RPE65: variants seen among roughly 807,000 people sequenced by gnomAD.
RPE65 encodes retinoid isomerohydrolase.
A neutral mutation model predicts 68.5 loss-of-function variants in RPE65; 58 were observed. The observed-to-expected ratio is 0.85, with a 90% CI of 0.69 to 1.05. The LOEUF (loss-of-function observed/expected upper bound fraction) is 1.05. Among genes scored for constraint, RPE65 ranks in the 50% least tolerant of loss-of-function variants. The probability of loss-of-function intolerance (pLI) is 0.00; values close to 1 mark genes in which losing one functional copy is unlikely to be tolerated. For missense variants in RPE65, 643 were observed against 629.9 expected (o/e 1.02, Z -0.22); for synonymous variants, 220 against 222.2 (o/e 0.99, Z 0.09).
chr1:68,433,722 G>A (rs527898122), intron 10 of RPE65, among the ~76,000 whole-genome samples: 2 of 152,244 alleles, frequency 1.3e-5, no homozygotes, highest in South Asian at 2.1e-4. Context: ...ACATGATTGT[G>A]TGTTGTCTGC....
rs1444997062 is a variant in RPE65 at position 68,438,986 on chromosome 1, A to G, written c.954T>C (p.Tyr318=). ...CCACAATCAGAAACCCATTGTCTTC[A>G]TAGGTGTTGATGTGATGGAAGAGGT... is the stretch of plus-strand genomic sequence containing the variant. ...PFNLFHHINT[Y]EDNGFLIVDL... The change falls in exon 9 of 14, where the codon TAT becomes TAC. Residue 318 remains tyrosine, a synonymous_variant. Coordinates refer to ENST00000262340, the MANE Select transcript of RPE65 (RefSeq NM_000329.3). 6 of 1,614,060 alleles carry G rather than the reference A, an allele frequency of 3.7e-6. No individual in the cohort carries two copies. Among genetic ancestry groups the G allele is most frequent in the Non-Finnish European group, 5.1e-6 (6 of 1,179,964 alleles).
chr1:68,431,370 T>C lies in RPE65; in HGVS notation c.1250A>G (p.Glu417Gly). ...VLFSGPRQAF[E>G]FPQINYQKYC... ...CTTCTGGTAATTGATTTGAGGAAAC[T>C]CAAATGCTACGAAATAGAGCACATG... Residue 417 changes from glutamate to glycine, a missense_variant, in exon 12 of 14, where the codon GAG becomes GGG. Physicochemically the swap from Glu to Gly is moderately conservative, Grantham distance 98. Transcript: ENST00000262340. 1 of 1,613,910 alleles carries C rather than the reference T, an allele frequency of 6.2e-7. No individual in the cohort carries two copies. Among genetic ancestry groups the C allele is most frequent in the African/African-American group, 1.3e-5 (1 of 75,046 alleles).
intron 10 of RPE65, among the ~76,000 whole-genome samples, chr1:68,435,619 C>T (rs1360757090): frequency 6.6e-6 from 1 of 152,162 alleles, no homozygotes; most frequent in African/African-American, 2.4e-5. Context: ...AGCCAATTCT[C>T]TCTGCGTATC....
chr1:68,437,216 A>AT (rs1325201772), intron 10 of RPE65, among the ~76,000 whole-genome samples: 1 of 152,094 alleles, frequency 6.6e-6, no homozygotes, highest in Non-Finnish European at 1.5e-5. Context: ...GCTCCAACCT[A>AT]TCTTTCCAGT....
At chr1:68,440,731 G>T in intron 6 of RPE65, 122 bp downstream of exon 6, 2 of 1,285,092 alleles carry the variant, frequency 1.6e-6, no homozygotes, top group South Asian at 1.3e-5. Flanking sequence ...TACTTCTGAA[G>T]TCTGAGAGTA....
intron 9 of RPE65, 122 bp downstream of exon 9, chr1:68,438,820 T>C: frequency 8.2e-7 from 1 of 1,225,390 alleles, no homozygotes; most frequent in Non-Finnish European, 1.2e-6. Flanking sequence ...ATTACATTTT[T>C]GACTCTCACA....
intron 5 of RPE65, 43 bp from the exon 6 acceptor site, chr1:68,441,043 A>T (rs762303824): frequency 1.9e-6 from 3 of 1,610,356 alleles, no homozygotes; most frequent in Non-Finnish European, 2.5e-6. Flanking sequence ...GAGAAGGAAG[A>T]TACATTATAC....
chr1:68,449,847 T>G, intron 1 of RPE65, 48 bp downstream of exon 1: 1 of 1,601,560 alleles, frequency 6.2e-7, no homozygotes, highest in South Asian at 1.1e-5. Flanking sequence ...AGCACATTTA[T>G]CATGAATCCA....
intron 1 of RPE65, among the ~76,000 whole-genome samples, chr1:68,449,467 C>T (rs1416875151): frequency 1.3e-5 from 2 of 152,136 alleles, no homozygotes; most frequent in African/African-American, 4.8e-5. Context: ...TTACTATGTC[C>T]TACATACCAT....
chr1:68,434,079 G>A (rs12030710), intron 10 of RPE65, among the ~76,000 whole-genome samples: 10,407 of 144,342 alleles, frequency 0.072, 481 homozygotes, highest in Admixed American at 0.16. Flanking sequence ...TGGCAAAGTC[G>A]AGGGCATGAG....
chr1:68,442,138 C>G (rs1358917500), intron 5 of RPE65, among the ~76,000 whole-genome samples: 2 of 152,154 alleles, frequency 1.3e-5, no homozygotes, highest in Non-Finnish European at 2.9e-5. Flanking sequence ...ATTGGACAGC[C>G]CTGCATTAGA....
chr1:68,433,948 T>C (rs929634040), intron 10 of RPE65, among the ~76,000 whole-genome samples: 2 of 151,934 alleles, frequency 1.3e-5, no homozygotes, highest in African/African-American at 4.8e-5. Context: ...GAGAAAGTAC[T>C]GTGTTCAATG....
rs773899086 is a variant in RPE65, at chr1:68,438,929, T to G, written c.998+13A>C. ...AATGGGAGGTGTCCCATTTGTCCAG[T>G]GTCCTTTCTTACCCTTTCCAGCAGC... On this transcript the variant is annotated intron_variant, in intron 9 of 13. Coordinates refer to ENST00000262340, the MANE Select transcript of RPE65 (RefSeq NM_000329.3). 5.0e-6 allele frequency: 8 copies of G among 1,613,924 alleles called. No homozygotes were observed. Among genetic ancestry groups the G allele is most frequent in the Non-Finnish European group, 6.8e-6 (8 of 1,179,930 alleles).
intron 10 of RPE65, among the ~76,000 whole-genome samples, chr1:68,434,456 A>T (rs889579165): frequency 2.6e-5 from 4 of 151,986 alleles, no homozygotes; most frequent in African/African-American, 9.7e-5. Flanking sequence ...TAAATAGTGG[A>T]AGATTTTCAG....
chr1:68,447,079 A>G (rs577543648), intron 2 of RPE65, among the ~76,000 whole-genome samples: 1 of 152,234 alleles, frequency 6.6e-6, no homozygotes, highest in African/African-American at 2.4e-5. Context: ...AAATGTGGAG[A>G]TGCCCCAGAG....
intron 2 of RPE65, among the ~76,000 whole-genome samples, chr1:68,447,938 C>T (rs1371778557): frequency 6.6e-6 from 1 of 152,176 alleles, no homozygotes; most frequent in Non-Finnish European, 1.5e-5. Flanking sequence ...ATTGACAGTG[C>T]TTCCTTGATT....
intron 10 of RPE65, 89 bp downstream of exon 10, chr1:68,438,098 C>CTT: frequency 6.6e-7 from 1 of 1,523,224 alleles, no homozygotes; most frequent in Non-Finnish European, 9.0e-7. Flanking sequence ...AATTTCAAGA[C>CTT]TTTATGTATA....
chr1:68,435,615 T>G (rs1645857335), intron 10 of RPE65, among the ~76,000 whole-genome samples: 2 of 152,210 alleles, frequency 1.3e-5, no homozygotes, highest in South Asian at 4.1e-4. Context: ...TAATAGCCAA[T>G]TCTCTCTGCG....
At chr1:68,431,619 A>T (rs1235667510) in intron 10 of RPE65, 34 bp from the exon 11 acceptor site, 3 of 1,567,846 alleles carry the variant, frequency 1.9e-6, no homozygotes. Context: ...CTCAGTGAGC[A>T]GGAAAGAATT....
Sources: gnomAD v4.1 joint callset for allele counts (sites outside exome capture counted in the v4.1 genomes callset) on GRCh38, gnomAD v4.1.1 for gene constraint, MANE v1.5 for transcripts, NCBI Gene and HGNC (gene_info 2026-07-23, HGNC 2026-07-21) for gene names.